Variants in RPL14 observed in about 807,000 individuals in gnomAD.
RPL14 encodes ribosomal protein L14.
Under a neutral mutation model 25.3 loss-of-function variants are expected in RPL14, and 4 were observed. That is an observed-to-expected ratio of 0.16 (90% CI 0.08 to 0.36). The LOEUF is 0.36. RPL14 is among the 10% of genes least tolerant of loss of function. The pLI, the probability that RPL14 is intolerant of heterozygous loss-of-function variation, is 1.00. For missense variants in RPL14, 212 were observed against 261.9 expected, an observed-to-expected ratio of 0.81 and a Z score of 1.31; for synonymous variants, 75 against 89.8, an observed-to-expected ratio of 0.84 and a Z score of 0.93.
At chr3:40,459,416 T>TA (rs1696896924) in intron 3 of RPL14, among the ~76,000 whole-genome samples, 1 of 152,338 alleles carries the variant, frequency 6.6e-6, no homozygotes, top group South Asian at 2.1e-4. Context: ...ATCCCTAGCT[T>TA]ACATTTAAGT....
chr3:40,464,429 T>C lies in RPL14; in HGVS notation c.*2197T>C, dbSNP rs919783480. The C allele has an allele frequency of 2.2e-6, 1 of 455,798 alleles. No individual in the cohort carries two copies. The highest frequency in any genetic ancestry group is 4.4e-6 in the Non-Finnish European group (1 of 226,738). The allele number at this position is 455,798 out of a possible 1,614,324, so 28.2% of individuals were successfully genotyped here. A position where few individuals can be genotyped will look rare whatever the true frequency, so the allele number is the denominator to read the frequency against. ...TGTTCTACTCTGGGAGGTAGAGAAT[T>C]GTCTAGAGAAAGTGGCATCTATACC... On this transcript the variant is annotated 3_prime_UTR_variant, in exon 6 of 6. Transcript: ENST00000396203.
rs768071319 is a variant in RPL14 at position 40,457,445 on chromosome 3, C to G, written c.-27C>G. 3.2e-6 allele frequency: 5 copies of G among 1,574,738 alleles called. No homozygotes were observed. In the South Asian group the frequency reaches 5.8e-5, roughly 18 times the overall value. On this transcript the variant is annotated 5_prime_UTR_variant, in exon 1 of 6. Coordinates refer to ENST00000396203, the MANE Select transcript of RPL14 (RefSeq NM_001034996.3). ...TCCGCTGGGAAGCTGAGGCGCCAAA[C>G]GGCTCCCAGAGGGTCCCGGGAAGCG... is the stretch of plus-strand genomic sequence containing the variant.
rs1696938850 is a variant in RPL14 at position 40,461,676 on chromosome 3, C to G, written c.354+15C>G. ...CAAAGAAAATGGTAAGATTTAAGAT[C>G]TGTATTTTTGTGTAACTTAGCTTTA... On this transcript the variant is annotated intron_variant, in intron 5 of 5. Coordinates refer to ENST00000396203, the MANE Select transcript of RPL14 (RefSeq NM_001034996.3). 10 of 1,591,740 alleles carry G rather than the reference C, an allele frequency of 6.3e-6. No homozygotes were observed. The highest frequency in any genetic ancestry group is 8.5e-6 in the Non-Finnish European group (10 of 1,170,998).
In RPL14 at chr3:40,465,272, G is replaced by C. The variant is rs931572960; in HGVS notation, c.*3040G>C. The C allele has an allele frequency of 1.3e-5, 2 of 152,206 alleles. No individual in the cohort carries two copies. The highest frequency in any genetic ancestry group is 2.9e-5 in the Non-Finnish European group (2 of 68,068). The allele number at this position is 152,206 out of a possible 1,614,324, so 9.4% of individuals were successfully genotyped here. ...CTTGAGATCGTCAAAGTGAGGGGAA[G>C]AGGGTAGTAAGCAAAGGAGAAATGT... On this transcript the variant is annotated 3_prime_UTR_variant, in exon 6 of 6. Coordinates refer to ENST00000396203, the MANE Select transcript of RPL14 (RefSeq NM_001034996.3).
chr3:40,461,024 T>G (rs1333220565), intron 3 of RPL14, among the ~76,000 whole-genome samples: 1 of 152,072 alleles, frequency 6.6e-6, no homozygotes, highest in African/African-American at 2.4e-5. Context: ...AGCAAGACCC[T>G]GTCTCTACAA....
At chr3:40,461,282 TA>T (rs1696932782) in intron 3 of RPL14, 124 bp from the exon 4 acceptor site, 1 of 716,858 alleles carries the variant, frequency 1.4e-6, no homozygotes, top group Non-Finnish European at 2.4e-6. Flanking sequence ...CAAAAATAAG[TA>T]AAATACATAG....
chr3:40,464,585 C>T lies in RPL14; in HGVS notation c.*2353C>T, dbSNP rs935223242. The T allele has an allele frequency of 2.5e-5, 11 of 448,482 alleles. No homozygotes were observed. The highest frequency in any genetic ancestry group is 8.1e-5 in the African/African-American group (4 of 49,494). The allele number at this position is 448,482 out of a possible 1,614,324, so 27.8% of individuals were successfully genotyped here. A position where few individuals can be genotyped will look rare whatever the true frequency, so the allele number is the denominator to read the frequency against. On this transcript the variant is annotated 3_prime_UTR_variant, in exon 6 of 6. Coordinates refer to ENST00000396203, the MANE Select transcript of RPL14 (RefSeq NM_001034996.3). ...AGTGGTTAGATCGTGTAGGGGAACACGGGAAGCTACTGAGGGTTTTTTAAA... is the reference window on the plus strand; with the variant it reads ...AGTGGTTAGATCGTGTAGGGGAACATGGGAAGCTACTGAGGGTTTTTTAAA...
chr3:40,461,861 C>A, intron 5 of RPL14, 78 bp from the exon 6 acceptor site: 1 of 1,469,478 alleles, frequency 6.8e-7, no homozygotes, highest in East Asian at 2.3e-5. Flanking sequence ...CTACTTAATG[C>A]CCTTTCTAAA....
chr3:40,458,959 T>C, intron 3 of RPL14: 1 of 467,036 alleles, frequency 2.1e-6, no homozygotes, highest in Non-Finnish European at 3.9e-6. Flanking sequence ...GAGGGTCTCT[T>C]GAGCCCAAGT....
Position 40,462,105 on chromosome 3 carries a change from C to T in RPL14, c.521C>T (p.Pro174Leu). 4 of 1,611,326 alleles carry T rather than the reference C, an allele frequency of 2.5e-6. No homozygotes were observed. The African/African-American group carries it at 5.3e-5, about 22-fold the overall frequency. Residue 174 changes from proline (P) to leucine (L), a missense_variant, in exon 6 of 6, where the codon CCA (proline) becomes CTA (leucine). This residue lies in a region of RPL14 where 66 missense variants were observed against 62.6 expected (regional missense o/e 1.05). Coordinates refer to ENST00000396203, the MANE Select transcript of RPL14 (RefSeq NM_001034996.3). ...KKITAASKKA[P>L]AQKVPAQKAT... ...ATCACCGCCGCGAGTAAAAAGGCTCCAGCCCAGAAGGTTCCTGCCCAGAAA... is the reference window on the plus strand; with the variant it reads ...ATCACCGCCGCGAGTAAAAAGGCTCTAGCCCAGAAGGTTCCTGCCCAGAAA...
Position 40,461,514 on chromosome 3 carries a change from CTT to C in RPL14, c.300+9_300+10del. On this transcript the variant is annotated intron_variant, in intron 4 of 5. Coordinates refer to ENST00000396203, the MANE Select transcript of RPL14 (RefSeq NM_001034996.3). Reference sequence around the variant, plus strand: ...ATTGAAGCCAGAGAAAGGGTAATAACTTAGGGTCATTTGAATTCTGGTCCTTT... The same window carrying C: ...ATTGAAGCCAGAGAAAGGGTAATAACAGGGTCATTTGAATTCTGGTCCTTT... 6.2e-7 allele frequency: 1 copy of C among 1,613,466 alleles called. No homozygotes were observed.
At position 40,464,460 on chromosome 3, in the gene RPL14, TAAG is replaced by T. The variant is rs138323159; in HGVS notation, c.*2235_*2237del. The T allele has an allele frequency of 1.3e-3, 587 of 455,824 alleles. 1 individual carries two copies. The highest frequency in any genetic ancestry group is 6.3e-3 in the East Asian group (91 of 14,374). The allele number at this position is 455,824 out of a possible 1,614,324, so 28.2% of individuals were successfully genotyped here. A position where few individuals can be genotyped will look rare whatever the true frequency, so the allele number is the denominator to read the frequency against. ...GAGAAAGTGGCATCTATACCTAAAA[TAAG>T]AAGAAGGTGGTGTAAGGGGAAGAAT... On this transcript the variant is annotated 3_prime_UTR_variant, in exon 6 of 6. Transcript: ENST00000396203.
Position 40,464,368 on chromosome 3 carries a change from G to T in RPL14, c.*2136G>T, listed in dbSNP as rs868226820. ...TGCTTGATAATAGGCAAGTGGTATGGTGTAATAAGGAAAATATGGATGATT... is the reference window on the plus strand; with the variant it reads ...TGCTTGATAATAGGCAAGTGGTATGTTGTAATAAGGAAAATATGGATGATT... On this transcript the variant is annotated 3_prime_UTR_variant, in exon 6 of 6. Transcript: ENST00000396203. 2.3e-5 allele frequency: 10 copies of T among 436,288 alleles called. No individual in the cohort carries two copies. The highest frequency in any genetic ancestry group is 6.8e-4 in the Middle Eastern group (2 of 2,960). 27.0% of individuals were successfully genotyped at this position (436,288 alleles called of 1,614,324 possible). A position where few individuals can be genotyped will look rare whatever the true frequency, so the allele number is the denominator to read the frequency against.
At chr3:40,458,135 G>C in intron 2 of RPL14, 144 bp downstream of exon 2, 4 of 690,084 alleles carry the variant, frequency 5.8e-6, no homozygotes, top group Non-Finnish European at 1.0e-5. Context: ...GTAATGGTAC[G>C]GGTTTTAAGC....
chr3:40,462,230 T>C lies in RPL14; in HGVS notation c.646T>C (p.Ter216GlnextTer12). The C allele has an allele frequency of 6.3e-7, 1 of 1,581,590 alleles. No homozygotes were observed. Reference sequence around the variant, plus strand: ...TCCAAAGGCATCTGGCAAGAAAGCATAAGTGGCAATCATAAAAAGTAATAA... The same window carrying C: ...TCCAAAGGCATCTGGCAAGAAAGCACAAGTGGCAATCATAAAAAGTAATAA... ...PAPKASGKKA[*>Q] The change falls in exon 6 of 6, where the codon TAA becomes CAA. Residue 216 changes from the stop codon to glutamine, a stop_lost. Transcript: ENST00000396203.
At position 40,462,064 on chromosome 3, in the gene RPL14, A is replaced by G; in HGVS notation, c.480A>G (p.Lys160=). The change falls in exon 6 of 6, where the codon AAA becomes AAG. Residue 160 remains lysine, a synonymous_variant. Transcript: ENST00000396203. ...CTGCTGCTGCTGCTGCTGCTGCTAA[A>G]GTTCCAGCAAAAAAGATCACCGCCG... ...AAAAAAAAAA[K]VPAKKITAAS... is the part of the protein sequence containing the mutation. The G allele has an allele frequency of 1.1e-6, 1 of 886,568 alleles. No homozygotes were observed. The highest frequency in any genetic ancestry group is 1.6e-6 in the Non-Finnish European group (1 of 632,042). The allele number at this position is 886,568 out of a possible 1,614,324, so 54.9% of individuals were successfully genotyped here. A position where few individuals can be genotyped will look rare whatever the true frequency, so the allele number is the denominator to read the frequency against.
In RPL14 at chr3:40,458,404, T is replaced by C. The variant is rs1357496240; in HGVS notation, c.106-238T>C. The C allele has an allele frequency of 7.4e-6, 4 of 543,904 alleles. No homozygotes were observed. In the African/African-American group the frequency reaches 7.6e-5, roughly 10 times the overall value. The allele number at this position is 543,904 out of a possible 1,614,324, so 33.7% of individuals were successfully genotyped here. ...CTGTAAATTACATGTGGTTGGTTTC[T>C]ATGGGGTACTATATAGTTTAAGAAG... On this transcript the variant is annotated intron_variant, in intron 2 of 5. Transcript: ENST00000396203.
intron 3 of RPL14, among the ~76,000 whole-genome samples, chr3:40,460,945 C>G (rs1475776598): frequency 1.3e-5 from 2 of 151,826 alleles, no homozygotes; most frequent in African/African-American, 4.8e-5. Flanking sequence ...ACCTGTAATC[C>G]CAGCACTTCA....
chr3:40,457,827 A>G, intron 1 of RPL14, 63 bp from the exon 2 acceptor site: 1 of 1,408,006 alleles, frequency 7.1e-7, no homozygotes, highest in Non-Finnish European at 1.0e-6. Flanking sequence ...TTAGCTGCAG[A>G]AGGTGACATA....
Sources: allele counts gnomAD v4.1 joint callset (sites outside exome capture counted in the v4.1 genomes callset), GRCh38; gene constraint gnomAD v4.1.1; regional missense constraint gnomAD v4.1.1; transcripts MANE v1.5; gene names NCBI Gene and HGNC (gene_info 2026-07-23, HGNC 2026-07-21).